ZNF638: variants seen among roughly 807,000 people sequenced by gnomAD.
ZNF638 encodes the protein CTCL tumor antigen se33-1.
ZNF638 carries 46 observed loss-of-function variants against 195.6 expected under a neutral mutation model. The observed-to-expected ratio is 0.24, with a 90% CI of 0.19 to 0.30. The LOEUF (loss-of-function observed/expected upper bound fraction) is 0.30. ZNF638 is among the 10% of genes least tolerant of loss of function. The probability of loss-of-function intolerance (pLI) is 1.00; values close to 1 mark genes in which losing one functional copy is unlikely to be tolerated. For missense variants in ZNF638, 2,440 were observed against 2,325.3 expected (o/e 1.05, Z -1.01); for synonymous variants, 845 against 772.0 (o/e 1.09, Z -1.57).
intron 21 of ZNF638, 122 bp downstream of exon 21, chr2:71,418,761 TACATA>T: frequency 1.7e-6 from 1 of 581,800 alleles, no homozygotes; most frequent in Non-Finnish European, 2.8e-6. Context: ...TTATTTTGTG[TACATA>T]TGGGCTTGTT....
chr2:71,386,943 G>A (rs1306821605), intron 10 of ZNF638, among the ~76,000 whole-genome samples: 1 of 151,720 alleles, frequency 6.6e-6, no homozygotes, highest in Non-Finnish European at 1.5e-5. Context: ...CACCTCCCAG[G>A]TTCAAGTGCT....
chr2:71,401,947 G>GT lies in ZNF638; in HGVS notation c.2698-5dup. 1 of 1,550,988 alleles carries GT rather than the reference G, an allele frequency of 6.4e-7. No homozygotes were observed. Among genetic ancestry groups the GT allele is most frequent in the Non-Finnish European group, 8.7e-7 (1 of 1,149,160 alleles). On this transcript the variant is annotated splice_polypyrimidine_tract_variant and intron_variant, in intron 15 of 27. Transcript: ENST00000264447. The stretch of plus-strand genomic sequence containing the variant: ...TTTTAATAACAGGTTTTAAAAATTT[G>GT]TTTTGAAGGAAACAGAAGAAATGTG...
In ZNF638 at chr2:71,386,008, A is replaced by G. The variant is rs117954783; in HGVS notation, c.2377+5443A>G. Among the ~76,000 whole-genome samples, 206 of 152,322 alleles carry G rather than the reference A, an allele frequency of 1.4e-3. 6 individuals carry two copies. In the East Asian group the frequency reaches 0.034, roughly 25 times the overall value. On this transcript the variant is annotated intron_variant, in intron 10 of 27. Transcript: ENST00000264447. ...CAAAATGAGGAAATCTGTTAATTCA[A>G]TACTACCATATTAAAAAAAGAACAT...
intron 1 of ZNF638, among the ~76,000 whole-genome samples, chr2:71,339,555 A>G (rs1345953902): frequency 6.6e-6 from 1 of 152,216 alleles, no homozygotes; most frequent in Non-Finnish European, 1.5e-5. Context: ...CAAATGGCAG[A>G]GAGGGCAAGG....
At chr2:71,395,553 T>C (rs1477250003) in intron 10 of ZNF638, 8 of 604,140 alleles carry the variant, frequency 1.3e-5, no homozygotes, top group Non-Finnish European at 2.1e-5. Context: ...TTATTTACTT[T>C]TGCAGACCTT....
intron 3 of ZNF638, among the ~76,000 whole-genome samples, chr2:71,362,726 C>T (rs918542969): frequency 3.3e-5 from 5 of 152,146 alleles, no homozygotes; most frequent in Admixed American, 6.5e-5. Flanking sequence ...CTCCTGATTC[C>T]TCTCAGTGGA....
At chr2:71,374,106 A>T in intron 8 of ZNF638, 1 of 152,386 alleles carries the variant, frequency 6.6e-6, no homozygotes. Flanking sequence ...GATTACAGGC[A>T]TGAGCCACTG....
intron 1 of ZNF638, among the ~76,000 whole-genome samples, chr2:71,346,709 C>T (rs2078855791): frequency 6.6e-6 from 1 of 151,898 alleles, no homozygotes; most frequent in African/African-American, 2.4e-5. Flanking sequence ...AGTAAGAATC[C>T]AAAAATGGTG....
rs759543261 is a variant in ZNF638 at position 71,365,451 on chromosome 2, TGTA to T, written c.1744_1746del (p.Val582del). 9 of 1,606,108 alleles carry T rather than the reference TGTA, an allele frequency of 5.6e-6. No homozygotes were observed. The highest frequency in any genetic ancestry group is 6.8e-6 in the Non-Finnish European group (8 of 1,177,364). On this transcript the variant is annotated inframe_deletion, in exon 6 of 28. Coordinates refer to ENST00000264447, the MANE Select transcript of ZNF638 (RefSeq NM_014497.5). ...TAGATAGAAAAAAAGCATTAGAAGA[TGTA>T]GTACAACGATCTGGGCATGGGACAG... is the stretch of plus-strand genomic sequence containing the variant.
intron 3 of ZNF638, among the ~76,000 whole-genome samples, chr2:71,357,041 TAGG>T (rs1415421831): frequency 6.6e-6 from 1 of 152,208 alleles, no homozygotes; most frequent in Non-Finnish European, 1.5e-5. Flanking sequence ...CTGGCATTTC[TAGG>T]AGTTTTTTTG....
At chr2:71,391,225 C>T (rs540511458) in intron 10 of ZNF638, among the ~76,000 whole-genome samples, 6 of 152,338 alleles carry the variant, frequency 3.9e-5, no homozygotes, top group Admixed American at 1.3e-4. Flanking sequence ...TTCAACGGGG[C>T]TCCCTTCCCC....
intron 1 of ZNF638, among the ~76,000 whole-genome samples, chr2:71,340,752 T>TA (rs1175910614): frequency 1.3e-5 from 2 of 152,358 alleles, no homozygotes; most frequent in East Asian, 3.9e-4. Flanking sequence ...AAAGTAGATT[T>TA]ACACTTAATG....
At chr2:71,418,304 A>C (rs2080347118) in intron 20 of ZNF638, 1 of 228,306 alleles carries the variant, frequency 4.4e-6, no homozygotes, top group East Asian at 8.7e-5. Context: ...TTTATTGTTT[A>C]GGGAAAAGAT....
At position 71,403,952 on chromosome 2, in the gene ZNF638, A is replaced by G; in HGVS notation, c.2912A>G (p.Gln971Arg). The G allele has an allele frequency of 6.2e-7, 1 of 1,612,978 alleles. No individual in the cohort carries two copies. The highest frequency in any genetic ancestry group is 8.5e-7 in the Non-Finnish European group (1 of 1,179,238). ...TCFPVLMDGNQLSISMAPENM... is the reference protein window; with the variant it reads ...TCFPVLMDGNRLSISMAPENM... Reference sequence around the variant, plus strand: ...TTCCCAGTATTGATGGATGGAAATCAACTCTCAATAAGTATGGCTCCTGAA... The same window carrying G: ...TTCCCAGTATTGATGGATGGAAATCGACTCTCAATAAGTATGGCTCCTGAA... The change falls in exon 17 of 28, where the codon CAA (glutamine) becomes CGA (arginine). Residue 971 changes from glutamine to arginine, a missense_variant. Transcript: ENST00000264447.
intron 8 of ZNF638, among the ~76,000 whole-genome samples, chr2:71,377,393 A>C (rs2079450787): frequency 6.6e-6 from 1 of 152,208 alleles, no homozygotes; most frequent in African/African-American, 2.4e-5. Flanking sequence ...AGCAAGATTC[A>C]TGGGGACATT....
intron 10 of ZNF638, chr2:71,395,833 A>T: frequency 8.8e-6 from 4 of 453,378 alleles, no homozygotes; most frequent in Non-Finnish European, 1.2e-5. Context: ...TTGACTTGAT[A>T]TATTGTGTGT....
At chr2:71,373,577 TGG>T (rs1240713350) in intron 8 of ZNF638, among the ~76,000 whole-genome samples, 3 of 150,536 alleles carry the variant, frequency 2.0e-5, no homozygotes, top group Non-Finnish European at 4.4e-5. Context: ...CCTGAGTACC[TGG>T]GACTACAGGT....
At chr2:71,359,375 A>G (rs1309959875) in intron 3 of ZNF638, among the ~76,000 whole-genome samples, 1 of 152,184 alleles carries the variant, frequency 6.6e-6, no homozygotes, top group East Asian at 1.9e-4. Context: ...GATGTCCAAG[A>G]ACAAGGAGGA....
At chr2:71,400,862 A>G (rs886566717) in intron 15 of ZNF638, among the ~76,000 whole-genome samples, 2 of 152,140 alleles carry the variant, frequency 1.3e-5, no homozygotes, top group Non-Finnish European at 2.9e-5. Context: ...TTTTTCTTAG[A>G]GGTAAATGGG....
Sources: gnomAD v4.1 joint callset for allele counts (sites outside exome capture counted in the v4.1 genomes callset) on GRCh38, gnomAD v4.1.1 for gene constraint, MANE v1.5 for transcripts, NCBI Gene and HGNC (gene_info 2026-07-23, HGNC 2026-07-21) for gene names.